GNG2: variants seen among roughly 807,000 people sequenced by gnomAD.
GNG2 encodes G protein subunit gamma 2.
GNG2 carries 5 observed loss-of-function variants against 5.5 expected under a neutral mutation model. That is an observed-to-expected ratio of 0.91 (90% confidence interval 0.48 to 1.92). The LOEUF (loss-of-function observed/expected upper bound fraction) is 1.92. GNG2 is among the 30% of genes most tolerant of loss of function. GNG2 has a pLI of 0.01. For synonymous variants in GNG2, 28 were observed against 32.0 expected, an observed-to-expected ratio of 0.88 and a Z score of 0.42; for missense variants, 55 against 88.4, an observed-to-expected ratio of 0.62 and a Z score of 1.52.
At chr14:51,899,036 AC>A (rs1158967098) in intron 2 of GNG2, among the ~76,000 whole-genome samples, 1 of 151,992 alleles carries the variant, frequency 6.6e-6, no homozygotes, top group Non-Finnish European at 1.5e-5. Flanking sequence ...GCTTTCTGGG[AC>A]CCCCATCTCT....
At chr14:51,916,583 C>A (rs1295815312) in intron 2 of GNG2, 3 of 427,888 alleles carry the variant, frequency 7.0e-6, no homozygotes, top group Non-Finnish European at 1.4e-5. Flanking sequence ...GCTGGCGCAG[C>A]TTCAACAGTG....
intron 2 of GNG2, among the ~76,000 whole-genome samples, chr14:51,908,524 A>G (rs1886078246): frequency 8.7e-6 from 1 of 115,184 alleles, no homozygotes; most frequent in South Asian, 3.2e-4. Context: ...GTCATATTTT[A>G]AAGATCTATC....
intron 2 of GNG2, among the ~76,000 whole-genome samples, chr14:51,934,144 C>A (rs866680199): frequency 6.6e-6 from 1 of 152,082 alleles, no homozygotes; most frequent in African/African-American, 2.4e-5. Flanking sequence ...TGATAGGCCA[C>A]GGACTCCAGG....
intron 2 of GNG2, among the ~76,000 whole-genome samples, chr14:51,889,156 A>G (rs1420626089): frequency 1.5e-5 from 2 of 131,582 alleles, no homozygotes; most frequent in African/African-American, 5.9e-5. Flanking sequence ...TCTGTCGCCT[A>G]GGCTGGAGTA....
chr14:51,827,023 C>A (rs1881047248), intron 1 of GNG2, among the ~76,000 whole-genome samples: 2 of 152,098 alleles, frequency 1.3e-5, no homozygotes, highest in South Asian at 4.1e-4. Flanking sequence ...AGGTGTAGTT[C>A]AGGTAATTCA....
In GNG2 at chr14:51,966,877, T is replaced by A. The variant is rs968060240; in HGVS notation, c.*190T>A. 6.7e-6 allele frequency: 3 copies of A among 445,570 alleles called. No individual in the cohort carries two copies. The highest frequency in any genetic ancestry group is 6.0e-5 in the African/African-American group (3 of 50,288). 27.6% of individuals were successfully genotyped at this position (445,570 alleles called of 1,614,324 possible). On this transcript the variant is annotated 3_prime_UTR_variant, in exon 4 of 4. Coordinates refer to ENST00000556766, the MANE Select transcript of GNG2 (RefSeq NM_053064.5). ...ATGCAAGCCGATCCACATCCTGACT[T>A]AAGAGATCTGATTCTGACGAACTGC...
intron 3 of GNG2, chr14:51,951,844 A>G: frequency 4.3e-6 from 3 of 700,894 alleles, no homozygotes; most frequent in Non-Finnish European, 7.8e-6. Flanking sequence ...CAGAGACCAT[A>G]TGGCCCACAA....
chr14:51,945,276 C>G (rs972158632), intron 2 of GNG2, among the ~76,000 whole-genome samples: 1 of 152,036 alleles, frequency 6.6e-6, no homozygotes, highest in African/African-American at 2.4e-5. Flanking sequence ...AAACATGGAA[C>G]CAACCAAAGT....
At chr14:51,962,566 A>G (rs1047600269) in intron 3 of GNG2, among the ~76,000 whole-genome samples, 1 of 152,192 alleles carries the variant, frequency 6.6e-6, no homozygotes, top group Non-Finnish European at 1.5e-5. Flanking sequence ...ATCCAAATTA[A>G]TTGCCTTTAT....
chr14:51,885,264 G>T (rs1884371422), intron 2 of GNG2, among the ~76,000 whole-genome samples: 1 of 152,136 alleles, frequency 6.6e-6, no homozygotes, highest in East Asian at 1.9e-4. Context: ...TTGAGATAAT[G>T]AATAGGAATA....
chr14:51,833,514 T>C (rs1355623315), intron 2 of GNG2, among the ~76,000 whole-genome samples: 1 of 152,176 alleles, frequency 6.6e-6, no homozygotes, highest in East Asian at 1.9e-4. Flanking sequence ...TATATAATAA[T>C]AACATTTGCT....
intron 2 of GNG2, among the ~76,000 whole-genome samples, chr14:51,946,995 C>T (rs540276813): frequency 6.6e-6 from 1 of 152,178 alleles, no homozygotes; most frequent in Non-Finnish European, 1.5e-5. Flanking sequence ...CTGCCTGGTT[C>T]ATACAGTTAA....
intron 1 of GNG2, among the ~76,000 whole-genome samples, chr14:51,864,410 C>T (rs1178342655): frequency 6.6e-6 from 1 of 152,134 alleles, no homozygotes; most frequent in African/African-American, 2.4e-5. Flanking sequence ...TTTGAAGAGA[C>T]ATTTGCAAAT....
chr14:51,860,364 G>C (rs140000355), upstream of GNG2: 402 of 152,994 alleles, frequency 2.6e-3, 1 homozygote, highest in Non-Finnish European at 4.9e-3. Context: ...GGTGACCGTG[G>C]GGGGATGAGA....
chr14:51,957,809 A>G (rs1889357606), intron 3 of GNG2, among the ~76,000 whole-genome samples: 1 of 152,200 alleles, frequency 6.6e-6, no homozygotes, highest in African/African-American at 2.4e-5. Context: ...TTTGGAGATT[A>G]TAGGCCATTT....
At chr14:51,897,937 A>G (rs1270710924) in intron 2 of GNG2, among the ~76,000 whole-genome samples, 1 of 152,218 alleles carries the variant, frequency 6.6e-6, no homozygotes, top group African/African-American at 2.4e-5. Flanking sequence ...GAGGCCTGCT[A>G]GTATGAAAGG....
intron 2 of GNG2, among the ~76,000 whole-genome samples, chr14:51,905,807 CA>C (rs751720880): frequency 6.6e-6 from 1 of 152,324 alleles, no homozygotes; most frequent in Middle Eastern, 3.4e-3. Flanking sequence ...TGAGTTCTCA[CA>C]AGATCTGATG....
Position 51,862,220 on chromosome 14 carries a change from G to A in GNG2, c.-71+1430G>A, listed in dbSNP as rs546517591. 3.9e-5 allele frequency among the ~76,000 whole-genome samples: 6 copies of A among 152,298 alleles called. No homozygotes were observed. The South Asian group carries it at 6.2e-4, about 16-fold the overall frequency. On this transcript the variant is annotated intron_variant, in intron 1 of 3. Transcript: ENST00000556766. Reference sequence around the variant, plus strand: ...AAAGAAAAAAAAAGTCTATTTCTCAGAGGTTTTTTGCTCATTAAAGTAAAC... The same window carrying A: ...AAAGAAAAAAAAAGTCTATTTCTCAAAGGTTTTTTGCTCATTAAAGTAAAC...
At chr14:51,828,321 C>CG (rs1179573291) in intron 2 of GNG2, among the ~76,000 whole-genome samples, 1 of 152,122 alleles carries the variant, frequency 6.6e-6, no homozygotes, top group Non-Finnish European at 1.5e-5. Context: ...GCCTGAGCTC[C>CG]GGATTGTTTC....
Sources: allele counts gnomAD v4.1 joint callset (sites outside exome capture counted in the v4.1 genomes callset), GRCh38; gene constraint gnomAD v4.1.1; transcripts MANE v1.5; gene names NCBI Gene and HGNC (gene_info 2026-07-23, HGNC 2026-07-21).